The following DYSF variants were observed in gnomAD, a reference collection of about 807,000 sequenced individuals.
The protein encoded by DYSF is dysferlin, also known as dystrophy-associated fer-1-like 1.
A neutral mutation model predicts 274.9 loss-of-function variants in DYSF; 212 were observed. The ratio of observed to expected loss-of-function variants is 0.77; its 90% CI spans 0.69 to 0.86. The LOEUF (loss-of-function observed/expected upper bound fraction) is 0.86. Among genes scored for constraint, DYSF ranks in the 40% least tolerant of loss-of-function variants. The pLI is 0.00. For missense variants in DYSF, 2,666 were observed against 2,783.2 expected (o/e 0.96, Z 0.95); for synonymous variants, 1,091 against 1,078.7 (o/e 1.01, Z -0.22).
At chr2:71,522,403 G>C (rs2087388264) in intron 12 of DYSF, among the ~76,000 whole-genome samples, 1 of 151,410 alleles carries the variant, frequency 6.6e-6, no homozygotes, top group Non-Finnish European at 1.5e-5. Context: ...TCTGTTGTTA[G>C]ACTGCACCAC....
At chr2:71,646,047 T>C (rs1476468654) in intron 42 of DYSF, among the ~76,000 whole-genome samples, 4 of 152,178 alleles carry the variant, frequency 2.6e-5, no homozygotes, top group African/African-American at 4.8e-5. Flanking sequence ...GCAAAAGTTG[T>C]CTCTGCTCTA....
intron 14 of DYSF, among the ~76,000 whole-genome samples, chr2:71,529,544 A>G (rs1055317332): frequency 3.3e-5 from 5 of 152,266 alleles, no homozygotes; most frequent in African/African-American, 1.2e-4. Context: ...GTCATATGGC[A>G]TCACAACAGA....
chr2:71,581,689 G>A (rs2152833017), intron 30 of DYSF, among the ~76,000 whole-genome samples: 1 of 152,376 alleles, frequency 6.6e-6, no homozygotes, highest in Non-Finnish European at 1.5e-5. Flanking sequence ...CAGCTAATTT[G>A]CTGTGTAGCC....
chr2:71,663,322 C>T (rs141409877), intron 45 of DYSF, among the ~76,000 whole-genome samples: 2 of 152,348 alleles, frequency 1.3e-5, no homozygotes, highest in East Asian at 3.9e-4. Context: ...ATGGCAGATG[C>T]TGCGTCCCTT....
chr2:71,462,048 T>C (rs898435542), upstream of DYSF, among the ~76,000 whole-genome samples: 1 of 152,204 alleles, frequency 6.6e-6, no homozygotes, highest in Non-Finnish European at 1.5e-5. Flanking sequence ...GAAACCTCTG[T>C]GGCTGGTAGC....
chr2:71,464,983 G>T (rs540437334), upstream of DYSF, among the ~76,000 whole-genome samples: 82 of 152,222 alleles, frequency 5.4e-4, no homozygotes, highest in South Asian at 2.7e-3. Flanking sequence ...GGTGTCACTG[G>T]GTGGGTTCAA....
intron 29 of DYSF, 157 bp downstream of exon 29, chr2:71,570,898 A>G: frequency 1.9e-6 from 2 of 1,059,784 alleles, no homozygotes; most frequent in Non-Finnish European, 2.7e-6. Flanking sequence ...CACACCCAGC[A>G]TACCCAAAGA....
At position 71,515,625 on chromosome 2, in the gene DYSF, C is replaced by T; in HGVS notation, c.762C>T (p.Ile254=). ...LLSDKPQDFQ[I]RVQVIEGRQL... ...TCTTTCCTCCTTCTGGCTTTCAGATCAGGGTCCAGGTGATCGAGGGGCGCC... is the reference window on the plus strand; with the variant it reads ...TCTTTCCTCCTTCTGGCTTTCAGATTAGGGTCCAGGTGATCGAGGGGCGCC... Residue 254 remains isoleucine (I), a splice_region_variant and synonymous_variant, in exon 8 of 56, where the codon ATC becomes ATT. Transcript: ENST00000410020. The T allele has an allele frequency of 1.2e-6, 2 of 1,613,940 alleles. No homozygotes were observed. Among genetic ancestry groups the T allele is most frequent in the Non-Finnish European group, 8.5e-7 (1 of 1,179,884 alleles).
At chr2:71,670,953 C>T (rs912296728) in intron 51 of DYSF, among the ~76,000 whole-genome samples, 1 of 152,152 alleles carries the variant, frequency 6.6e-6, no homozygotes, top group Admixed American at 6.5e-5. Context: ...GCCCGATTTC[C>T]TTCCAGAGGT....
At chr2:71,512,182 T>C (rs1202238060) in intron 5 of DYSF, among the ~76,000 whole-genome samples, 1 of 152,192 alleles carries the variant, frequency 6.6e-6, no homozygotes, top group Non-Finnish European at 1.5e-5. Flanking sequence ...AAGCCCCAGC[T>C]GCCTGGGGAC....
At chr2:71,671,926 T>A (rs1326496403) in intron 51 of DYSF, among the ~76,000 whole-genome samples, 5 of 147,832 alleles carry the variant, frequency 3.4e-5, no homozygotes, top group African/African-American at 1.3e-4. Context: ...GCCAAGAGGG[T>A]CTTGGTCAGA....
intron 24 of DYSF, among the ~76,000 whole-genome samples, chr2:71,565,246 CTTTTTTTTTT>C (rs796705736): frequency 7.6e-6 from 1 of 131,332 alleles, no homozygotes; most frequent in Non-Finnish European, 1.6e-5. Context: ...CCACCCAGCT[CTTTTTTTTTT>C]TTTTTTTTAA....
At chr2:71,514,417 C>T (rs951268308) in intron 7 of DYSF, among the ~76,000 whole-genome samples, 2 of 152,138 alleles carry the variant, frequency 1.3e-5, no homozygotes, top group Non-Finnish European at 2.9e-5. Context: ...CTCCTTATAT[C>T]TATCCCCCTG....
At chr2:71,499,430 T>C (rs2084752350) in intron 3 of DYSF, among the ~76,000 whole-genome samples, 1 of 152,258 alleles carries the variant, frequency 6.6e-6, no homozygotes, top group Admixed American at 6.5e-5. Context: ...CTTACAATGA[T>C]GTAATAAGAC....
chr2:71,617,893 A>AGGTGGGGTGTGTGTGTGGTAGAGGT (rs2093940238), intron 40 of DYSF, among the ~76,000 whole-genome samples: 1 of 46,268 alleles, frequency 2.2e-5, no homozygotes, highest in Non-Finnish European at 4.5e-5. Flanking sequence ...TGTGTGGTAG[A>AGGTGGGGTGTGTGTGTGGTAGAGGT]GGTGTGTTTG....
At chr2:71,506,960 G>T (rs887408235) in intron 4 of DYSF, among the ~76,000 whole-genome samples, 1 of 152,154 alleles carries the variant, frequency 6.6e-6, no homozygotes. Context: ...GATGGTGCCA[G>T]TTCTTCAGGA....
intron 22 of DYSF, among the ~76,000 whole-genome samples, chr2:71,560,898 G>A (rs879367073): frequency 5.3e-5 from 8 of 152,156 alleles, no homozygotes; most frequent in African/African-American, 1.2e-4. Flanking sequence ...CCTCAGTGGA[G>A]AATGGAAAAT....
intron 17 of DYSF, among the ~76,000 whole-genome samples, chr2:71,540,113 TC>T (rs1252028800): frequency 0.011 from 1,588 of 149,800 alleles, 33 homozygotes; most frequent in African/African-American, 0.038. Flanking sequence ...ACTTTTTTTT[TC>T]TTTTTTTTTT....
upstream of DYSF, among the ~76,000 whole-genome samples, chr2:71,463,670 C>T (rs4629186): frequency 0.034 from 5,131 of 152,332 alleles, 164 homozygotes; most frequent in African/African-American, 0.082. Flanking sequence ...TCTGCTATGT[C>T]CTCAACTGGT....
Sources: gnomAD v4.1 joint callset for allele counts (sites outside exome capture counted in the v4.1 genomes callset) on GRCh38, gnomAD v4.1.1 for gene constraint, MANE v1.5 for transcripts, NCBI Gene and HGNC (gene_info 2026-07-23, HGNC 2026-07-21) for gene names.